TEAD1: variants seen among roughly 807,000 people sequenced by gnomAD.
TEAD1 encodes the protein TEA domain transcription factor 1.
Under a neutral mutation model 54.9 loss-of-function variants are expected in TEAD1, and 9 were observed. The ratio of observed to expected loss-of-function variants is 0.16; its 90% confidence interval spans 0.10 to 0.29. The LOEUF (loss-of-function observed/expected upper bound fraction) is 0.29. Ranked by LOEUF, TEAD1 falls within the 10% of genes least tolerant of loss-of-function variation. The pLI, the probability that TEAD1 is intolerant of heterozygous loss-of-function variation, is 1.00. For synonymous variants in TEAD1, 200 were observed against 187.8 expected (o/e 1.07, Z -0.53); for missense variants, 387 against 535.9 (o/e 0.72, Z 2.74).
intron 9 of TEAD1, among the ~76,000 whole-genome samples, chr11:12,885,568 G>T (rs1001364852): frequency 3.9e-5 from 6 of 152,098 alleles, no homozygotes; most frequent in Admixed American, 2.6e-4. Flanking sequence ...AATATCTCCT[G>T]TGTAAGCAAA....
At chr11:12,779,173 A>G (rs1945494020) in intron 3 of TEAD1, among the ~76,000 whole-genome samples, 2 of 152,172 alleles carry the variant, frequency 1.3e-5, no homozygotes, top group Non-Finnish European at 2.9e-5. Context: ...AGTTGTCTGA[A>G]AATCACTTCC....
chr11:12,679,466 G>C (rs185523888), intron 2 of TEAD1, among the ~76,000 whole-genome samples: 1 of 152,148 alleles, frequency 6.6e-6, no homozygotes, highest in Non-Finnish European at 1.5e-5. Context: ...CATCTGACAG[G>C]TTTAGATGTA....
At chr11:12,786,585 A>G in intron 3 of TEAD1, among the ~76,000 whole-genome samples, 1 of 152,198 alleles carries the variant, frequency 6.6e-6, no homozygotes, top group Non-Finnish European at 1.5e-5. Context: ...CTTAGTAAGG[A>G]CTGGCCTGAT....
At chr11:12,830,746 ACACACACACATG>A (rs1946759318) in intron 3 of TEAD1, among the ~76,000 whole-genome samples, 1 of 151,780 alleles carries the variant, frequency 6.6e-6, no homozygotes, top group African/African-American at 2.4e-5. Flanking sequence ...TTGCAATCAC[ACACACACACATG>A]CACGCACACG....
intron 3 of TEAD1, among the ~76,000 whole-genome samples, chr11:12,837,090 C>G (rs942377247): frequency 6.6e-6 from 1 of 152,170 alleles, no homozygotes; most frequent in African/African-American, 2.4e-5. Context: ...TTAACTTACT[C>G]TTCATCCATA....
chr11:12,864,651 T>G lies in TEAD1; in HGVS notation c.268-187T>G, dbSNP rs1229415172. 3 of 1,425,228 alleles carry G rather than the reference T, an allele frequency of 2.1e-6. No individual in the cohort carries two copies. In the Admixed American group the frequency reaches 8.3e-5, roughly 40 times the overall value. The allele number at this position is 1,425,228 out of a possible 1,614,324, so 88.3% of individuals were successfully genotyped here. A position where few individuals can be genotyped will look rare whatever the true frequency, so the allele number is the denominator to read the frequency against. On this transcript the variant is annotated intron_variant, in intron 4 of 12. Coordinates refer to ENST00000527636, the MANE Select transcript of TEAD1 (RefSeq NM_021961.6). ...TGTTTTGTTTTGTTTTGTTTTGTTTTGTTTTGTTTCCCCTCATAAACCCGA... is the reference window on the plus strand; with the variant it reads ...TGTTTTGTTTTGTTTTGTTTTGTTTGGTTTTGTTTCCCCTCATAAACCCGA...
chr11:12,766,382 T>C (rs769492971), intron 3 of TEAD1, among the ~76,000 whole-genome samples: 2 of 152,222 alleles, frequency 1.3e-5, no homozygotes, highest in Admixed American at 6.5e-5. Flanking sequence ...TTGTTGGTAA[T>C]TGGGTCTCAG....
intron 10 of TEAD1, among the ~76,000 whole-genome samples, chr11:12,922,034 T>A (rs1286885044): frequency 6.6e-6 from 1 of 152,190 alleles, no homozygotes; most frequent in African/African-American, 2.4e-5. Flanking sequence ...TAAGTACAAG[T>A]TAAAGCAGAT....
chr11:12,799,242 C>T (rs1590163427), intron 3 of TEAD1, among the ~76,000 whole-genome samples: 1 of 152,170 alleles, frequency 6.6e-6, no homozygotes, highest in Non-Finnish European at 1.5e-5. Flanking sequence ...CATAACCACC[C>T]TGAGAATTGA....
chr11:12,684,471 G>C (rs1182832559), intron 2 of TEAD1, among the ~76,000 whole-genome samples: 1 of 152,186 alleles, frequency 6.6e-6, no homozygotes, highest in Non-Finnish European at 1.5e-5. Context: ...AGGGTCTTCG[G>C]CCTTCTTGTA....
intron 3 of TEAD1, among the ~76,000 whole-genome samples, chr11:12,776,538 A>G (rs1331166304): frequency 6.6e-6 from 1 of 152,062 alleles, no homozygotes; most frequent in Non-Finnish European, 1.5e-5. Context: ...TTAGAGAACA[A>G]AAACACTGGG....
At chr11:12,899,963 T>C (rs1948393573) in intron 9 of TEAD1, among the ~76,000 whole-genome samples, 1 of 152,260 alleles carries the variant, frequency 6.6e-6, no homozygotes, top group Non-Finnish European at 1.5e-5. Context: ...TAGCAGGTTA[T>C]AGATTTAAAC....
chr11:12,802,689 C>G (rs1485575553), intron 3 of TEAD1, among the ~76,000 whole-genome samples: 1 of 152,134 alleles, frequency 6.6e-6, no homozygotes, highest in Non-Finnish European at 1.5e-5. Flanking sequence ...GTCATTTCTT[C>G]AGGCATGTGG....
chr11:12,921,947 A>G (rs564799685), intron 10 of TEAD1, among the ~76,000 whole-genome samples: 160 of 152,302 alleles, frequency 1.1e-3, no homozygotes, highest in African/African-American at 3.7e-3. Context: ...TTGTTTGTTT[A>G]TGATTTATAC....
intron 2 of TEAD1, among the ~76,000 whole-genome samples, chr11:12,752,829 T>G (rs1944902462): frequency 6.8e-6 from 1 of 147,520 alleles, no homozygotes; most frequent in Non-Finnish European, 1.5e-5. Context: ...TACCATTCTA[T>G]TTTATGAATA....
At chr11:12,927,491 A>G (rs1205150216) in intron 11 of TEAD1, among the ~76,000 whole-genome samples, 2 of 152,198 alleles carry the variant, frequency 1.3e-5, no homozygotes, top group African/African-American at 2.4e-5. Flanking sequence ...AGTCAGGCTC[A>G]CTATTCTTTT....
chr11:12,876,485 T>C (rs1564973216), intron 5 of TEAD1, among the ~76,000 whole-genome samples: 1 of 152,136 alleles, frequency 6.6e-6, no homozygotes. Flanking sequence ...TACGTGGAAC[T>C]CTTCGGGTCT....
chr11:12,848,605 G>A (rs1046200526), intron 3 of TEAD1, among the ~76,000 whole-genome samples: 3 of 152,148 alleles, frequency 2.0e-5, no homozygotes, highest in Non-Finnish European at 2.9e-5. Flanking sequence ...AAAATGCTGA[G>A]CTAGGTAGAA....
At chr11:12,920,949 C>T (rs2134156724) in intron 10 of TEAD1, among the ~76,000 whole-genome samples, 1 of 152,226 alleles carries the variant, frequency 6.6e-6, no homozygotes, top group South Asian at 2.1e-4. Context: ...AATGGCTGTA[C>T]TTTATAGTAC....
Sources: allele counts gnomAD v4.1 joint callset (sites outside exome capture counted in the v4.1 genomes callset), GRCh38; gene constraint gnomAD v4.1.1; transcripts MANE v1.5; gene names NCBI Gene and HGNC (gene_info 2026-07-23, HGNC 2026-07-21).